Variants in MACO1 observed in about 807,000 individuals in gnomAD.
The protein encoded by MACO1 is macoilin.
MACO1 carries 14 observed loss-of-function variants against 78.7 expected under a neutral mutation model. The ratio of observed to expected loss-of-function variants is 0.18; its 90% CI spans 0.12 to 0.28. MACO1 has a LOEUF of 0.28. MACO1 is among the 10% of genes least tolerant of loss of function. MACO1 has a pLI of 1.00. For synonymous variants in MACO1, 288 were observed against 291.6 expected (o/e 0.99, Z 0.12); for missense variants, 501 against 799.0 (o/e 0.63, Z 4.50).
intron 1 of MACO1, among the ~76,000 whole-genome samples, chr1:25,437,111 T>C (rs562033004): frequency 6.6e-5 from 10 of 151,208 alleles, no homozygotes; most frequent in African/African-American, 2.4e-4. Flanking sequence ...TGAATCATAT[T>C]GTTACGTTGT....
chr1:25,496,249 G>A (rs752403283), intron 10 of MACO1, among the ~76,000 whole-genome samples: 20 of 151,342 alleles, frequency 1.3e-4, no homozygotes, highest in Non-Finnish European at 2.6e-4. Flanking sequence ...CTGGGCTCAC[G>A]TGACCCTCCT....
At chr1:25,459,138 C>T (rs2043149536) in intron 6 of MACO1, among the ~76,000 whole-genome samples, 1 of 152,214 alleles carries the variant, frequency 6.6e-6, no homozygotes, top group Admixed American at 6.5e-5. Context: ...TGACCTGTAA[C>T]TTGATTCTTC....
intron 3 of MACO1, 96 bp downstream of exon 3, chr1:25,449,030 A>T (rs181866363): frequency 8.5e-7 from 1 of 1,176,714 alleles, no homozygotes; most frequent in African/African-American, 1.6e-5. Flanking sequence ...GTTGAGTTTA[A>T]TGTGGACATT....
At position 25,438,303 on chromosome 1, in the gene MACO1, G is replaced by A. The variant is rs770652843; in HGVS notation, c.80+7125G>A. Among the ~76,000 whole-genome samples the A allele has an allele frequency of 3.9e-5, 6 of 152,262 alleles. No homozygotes were observed. In the South Asian group the frequency reaches 1.0e-3, roughly 26 times the overall value. On this transcript the variant is annotated intron_variant, in intron 1 of 10. Coordinates refer to ENST00000374343, the MANE Select transcript of MACO1 (RefSeq NM_018202.6). ...TAAACATTAGAAATTCATTTCATAA[G>A]GGAATCAAAATTATGCTTCATATAA...
intron 1 of MACO1, among the ~76,000 whole-genome samples, chr1:25,438,593 G>A (rs968473302): frequency 6.6e-6 from 1 of 152,218 alleles, no homozygotes; most frequent in South Asian, 2.1e-4. Flanking sequence ...AAATGGATAA[G>A]GGAAATTCTA....
chr1:25,483,232 G>A (rs1166433141), intron 6 of MACO1, among the ~76,000 whole-genome samples: 2 of 152,120 alleles, frequency 1.3e-5, no homozygotes, highest in African/African-American at 2.4e-5. Context: ...TGTACTTTTA[G>A]TAGAGATGGG....
At chr1:25,490,563 G>T (rs1006473284) in intron 9 of MACO1, among the ~76,000 whole-genome samples, 7 of 152,132 alleles carry the variant, frequency 4.6e-5, no homozygotes, top group African/African-American at 1.7e-4. Flanking sequence ...TAGGAATCCA[G>T]CCTAAGGTAA....
Position 25,446,759 on chromosome 1 carries a change from C to G in MACO1, c.81-3C>G. 6.2e-7 allele frequency: 1 copy of G among 1,601,286 alleles called. No homozygotes were observed. Among genetic ancestry groups the G allele is most frequent in the Non-Finnish European group, 8.5e-7 (1 of 1,174,882 alleles). On this transcript the variant is annotated splice_polypyrimidine_tract_variant and splice_region_variant and intron_variant, in intron 1 of 10. Coordinates refer to ENST00000374343, the MANE Select transcript of MACO1 (RefSeq NM_018202.6). The stretch of plus-strand genomic sequence containing the variant: ...ATTAATTCTTTATTTTTATATTTTG[C>G]AGTACATTTTTATACCTGAAATTCC...
chr1:25,436,336 T>A (rs1424768594), intron 1 of MACO1, among the ~76,000 whole-genome samples: 1 of 152,228 alleles, frequency 6.6e-6, no homozygotes, highest in Non-Finnish European at 1.5e-5. Flanking sequence ...TTTATCTGTT[T>A]CTAGGCTACC....
intron 1 of MACO1, among the ~76,000 whole-genome samples, chr1:25,444,430 A>G (rs1285228373): frequency 2.6e-5 from 4 of 152,004 alleles, no homozygotes; most frequent in East Asian, 1.9e-4. Flanking sequence ...CTCTGAAACC[A>G]TGGTGGAGAG....
At chr1:25,495,142 T>A (rs2043523379) in intron 10 of MACO1, among the ~76,000 whole-genome samples, 2 of 152,146 alleles carry the variant, frequency 1.3e-5, no homozygotes, top group African/African-American at 2.4e-5. Flanking sequence ...TGGCCACCCC[T>A]CAGTGCTTCA....
At chr1:25,449,191 A>T (rs12027110) in intron 3 of MACO1, among the ~76,000 whole-genome samples, 65,076 of 151,230 alleles carry the variant, frequency 0.43, 15,434 homozygotes, top group Non-Finnish European at 0.54. Flanking sequence ...ATATCTTTTT[A>T]AAAAAAAAAT....
intron 6 of MACO1, among the ~76,000 whole-genome samples, chr1:25,471,090 G>C (rs1239661037): frequency 6.6e-6 from 1 of 151,132 alleles, no homozygotes; most frequent in African/African-American, 2.4e-5. Flanking sequence ...TGTAATCCCA[G>C]CACTTTGGGA....
At chr1:25,439,705 C>G (rs1446495760) in intron 1 of MACO1, among the ~76,000 whole-genome samples, 2 of 146,196 alleles carry the variant, frequency 1.4e-5, no homozygotes, top group Non-Finnish European at 3.0e-5. Context: ...TTTTTTGTCT[C>G]TGGATCTCTT....
chr1:25,498,069 T>C (rs1254835220), intron 10 of MACO1, among the ~76,000 whole-genome samples, 195 bp from the exon 11 acceptor site: 1 of 152,220 alleles, frequency 6.6e-6, no homozygotes, highest in African/African-American at 2.4e-5. Context: ...ACAAAGATAG[T>C]AAGTACACTG....
chr1:25,454,265 G>A lies in MACO1; in HGVS notation c.356G>A (p.Gly119Glu). Residue 119 changes from glycine (G) to glutamate (E), a missense_variant, in exon 4 of 11, where the codon GGA (glycine) becomes GAA (glutamate). By Grantham distance (98) the Gly-to-Glu change is moderately conservative (BLOSUM62 -2). This residue lies in a region of MACO1 where 171 missense variants were observed against 292.1 expected (regional missense o/e 0.59). Transcript: ENST00000374343. Reference sequence around the variant, plus strand: ...CTCTGCTGCTTTCTCACAGAAAGGGGAGTGTGTTTGCCTACAGTGTCTCTC... The same window carrying A: ...CTCTGCTGCTTTCTCACAGAAAGGGAAGTGTGTTTGCCTACAGTGTCTCTC... ...WVQYVWHTER[G>E]VCLPTVSLWI... 6.3e-7 allele frequency: 1 copy of A among 1,590,546 alleles called. No individual in the cohort carries two copies. The highest frequency in any genetic ancestry group is 1.2e-5 in the South Asian group (1 of 86,364).
Position 25,454,628 on chromosome 1 carries a change from C to T in MACO1, c.473+246C>T, listed in dbSNP as rs112065403. ...TCCCAAGTAGCTGGGATTACAGGCG[C>T]GTGCCACCACACCTGGCTAATTTTT... On this transcript the variant is annotated intron_variant, in intron 4 of 10. Transcript: ENST00000374343. Among the ~76,000 whole-genome samples, 808 of 150,956 alleles carry T rather than the reference C, an allele frequency of 5.4e-3. 5 individuals carry two copies. Among genetic ancestry groups the T allele is most frequent in the African/African-American group, 0.019 (764 of 41,126 alleles).
chr1:25,474,374 T>C (rs1003527469), intron 6 of MACO1, among the ~76,000 whole-genome samples: 3 of 152,242 alleles, frequency 2.0e-5, no homozygotes, highest in South Asian at 2.1e-4. Flanking sequence ...CCTCTAGCCC[T>C]CTGGCCCCAC....
In MACO1 at chr1:25,485,520, A is replaced by T; in HGVS notation, c.1314-93A>T. 1 of 1,307,246 alleles carries T rather than the reference A, an allele frequency of 7.6e-7. No individual in the cohort carries two copies. The highest frequency in any genetic ancestry group is 1.0e-6 in the Non-Finnish European group (1 of 959,238). The allele number at this position is 1,307,246 out of a possible 1,614,324, so 81.0% of individuals were successfully genotyped here. A position where few individuals can be genotyped will look rare whatever the true frequency, so the allele number is the denominator to read the frequency against. ...GATTTGCTGTTCAAACCTCCTGTTT[A>T]ATTGGCCTTAAGGTGATAAAGAGAT... On this transcript the variant is annotated intron_variant, in intron 7 of 10. Coordinates refer to ENST00000374343, the MANE Select transcript of MACO1 (RefSeq NM_018202.6). This position sits in a 1 kb window ranked among gnomAD's most constrained non-coding sequence, Gnocchi z 4.3.
Sources: gnomAD v4.1 joint callset for allele counts (sites outside exome capture counted in the v4.1 genomes callset) on GRCh38, gnomAD v4.1.1 for gene constraint, gnomAD v4.1.1 regional missense constraint, Gnocchi (gnomAD v3.1) non-coding constraint, MANE v1.5 for transcripts, NCBI Gene and HGNC (gene_info 2026-07-23, HGNC 2026-07-21) for gene names.